KIF4A: variants seen among roughly 807,000 people sequenced by gnomAD.
KIF4A encodes the protein kinesin family member 4A, also known as chromosome-associated kinesin KIF4A.
In KIF4A, 7 loss-of-function variants were observed where a neutral mutation model predicts 105.9. The observed-to-expected ratio is 0.07, with a 90% confidence interval of 0.04 to 0.12. KIF4A has a LOEUF of 0.12. KIF4A is among the 10% of genes least tolerant of loss of function. The pLI is 1.00. For missense variants in KIF4A, 558 were observed against 929.2 expected, an observed-to-expected ratio of 0.60 and a Z score of 5.19; for synonymous variants, 281 against 331.3, an observed-to-expected ratio of 0.85 and a Z score of 1.65.
chrX:70,383,088 G>A (rs1315389411), intron 18 of KIF4A, among the ~76,000 whole-genome samples: 1 of 109,226 alleles, frequency 9.2e-6, no homozygotes, highest in Non-Finnish European at 1.9e-5. Flanking sequence ...TGGGGAGGCT[G>A]AGGTAGAAGA....
intron 16 of KIF4A, among the ~76,000 whole-genome samples, chrX:70,374,951 T>C (rs776897463): frequency 8.9e-6 from 1 of 112,407 alleles, no homozygotes; most frequent in East Asian, 2.8e-4. Flanking sequence ...AAGAACCATT[T>C]TGATGCAAAA....
rs139543119 is a variant in KIF4A, at chrX:70,308,502, C to G, written c.778+6104C>G. ...ATCATTCAAGATTTTTTCACGTACA[C>G]ATATATTTTTTATTGGTGTTGCTGT... On this transcript the variant is annotated intron_variant, in intron 7 of 30. Transcript: ENST00000374403. 2.7e-5 allele frequency among the ~76,000 whole-genome samples: 3 copies of G among 112,482 alleles called. No individual in the cohort carries two copies. In the East Asian group the frequency reaches 8.4e-4, roughly 31 times the overall value.
chrX:70,349,196 G>GGGT (rs2147702414), intron 13 of KIF4A, among the ~76,000 whole-genome samples: 1 of 101,910 alleles, frequency 9.8e-6, no homozygotes, highest in Non-Finnish European at 2.0e-5. Context: ...TTCCCAGAGG[G>GGGT]GGCGGCCGGG....
Position 70,402,702 on chromosome X carries a change from A to C in KIF4A, c.2619+7A>C. ...GAAATATTTGATTGGAGAGGTAAAC[A>C]TCACTCTAACCAGCAGTTAGGAGGC... On this transcript the variant is annotated splice_region_variant and intron_variant, in intron 23 of 30. Coordinates refer to ENST00000374403, the MANE Select transcript of KIF4A (RefSeq NM_012310.5). 8.3e-7 allele frequency: 1 copy of C among 1,206,561 alleles called. No homozygotes were observed. The highest frequency in any genetic ancestry group is 1.1e-6 in the Non-Finnish European group (1 of 892,566).
chrX:70,356,633 G>C (rs1385017175), intron 15 of KIF4A, among the ~76,000 whole-genome samples: 2 of 112,126 alleles, frequency 1.8e-5, no homozygotes, highest in Non-Finnish European at 3.8e-5. Context: ...ATTTTTTAAA[G>C]TCAAATACTA....
chrX:70,391,085 C>T (rs2086235967), intron 20 of KIF4A, among the ~76,000 whole-genome samples: 1 of 111,835 alleles, frequency 8.9e-6, no homozygotes, highest in African/African-American at 3.2e-5. Flanking sequence ...AACACATACA[C>T]GTTTCTATGT....
chrX:70,385,775 T>C (rs1019769220), intron 18 of KIF4A, among the ~76,000 whole-genome samples: 1 of 112,551 alleles, frequency 8.9e-6, no homozygotes, highest in Non-Finnish European at 1.9e-5. Context: ...TATTGTGTGC[T>C]CAGCTGAAGC....
At chrX:70,322,625 ATG>A (rs765678842) in intron 7 of KIF4A, among the ~76,000 whole-genome samples, 1 of 108,711 alleles carries the variant, frequency 9.2e-6, no homozygotes, top group Non-Finnish European at 1.9e-5. Context: ...GTTGCTTTAA[ATG>A]GGTCCCTCCA....
intron 15 of KIF4A, among the ~76,000 whole-genome samples, chrX:70,372,132 C>T (rs1354530001): frequency 3.9e-5 from 4 of 101,682 alleles, no homozygotes; most frequent in East Asian, 6.5e-4. Context: ...GGATGGCGGC[C>T]GGCAGAGACG....
At chrX:70,399,168 T>G (rs954252082) in intron 22 of KIF4A, among the ~76,000 whole-genome samples, 2 of 112,278 alleles carry the variant, frequency 1.8e-5, no homozygotes, top group Non-Finnish European at 3.8e-5. Context: ...ATGCTGAATA[T>G]GATGGTCGTC....
chrX:70,375,655 TTTGTAAAGTAGTAATAAGA>T (rs1375447365), intron 17 of KIF4A, among the ~76,000 whole-genome samples: 2 of 111,810 alleles, frequency 1.8e-5, no homozygotes, highest in Non-Finnish European at 3.8e-5. Flanking sequence ...GCAGCATAAT[TTTGTAAAGTAGTAATAAGA>T]TGACAGACAC....
chrX:70,372,489 G>A (rs2086143207), intron 15 of KIF4A, among the ~76,000 whole-genome samples: 1 of 114,025 alleles, frequency 8.8e-6, no homozygotes, highest in Non-Finnish European at 1.9e-5. Flanking sequence ...AAAAAAATAC[G>A]AAAACCAGTC....
chrX:70,368,560 A>G (rs1295276840), intron 15 of KIF4A, among the ~76,000 whole-genome samples: 1 of 112,063 alleles, frequency 8.9e-6, no homozygotes, highest in Non-Finnish European at 1.9e-5. Context: ...GCTGCAGATC[A>G]GGGGATATTG....
At chrX:70,418,891 C>T (rs758336231) in intron 29 of KIF4A, among the ~76,000 whole-genome samples, 9 of 110,521 alleles carry the variant, frequency 8.1e-5, no homozygotes, top group African/African-American at 2.3e-4. Context: ...AAGACCATCC[C>T]GGCTAACACG....
chrX:70,406,498 G>A (rs1204104748), intron 27 of KIF4A, 144 bp downstream of exon 27: 22 of 487,977 alleles, frequency 4.5e-5, no homozygotes, highest in Non-Finnish European at 7.0e-5. Context: ...TAAAACTACA[G>A]TTCAATCCTA....
At chrX:70,388,790 A>T (rs955161593) in intron 20 of KIF4A, among the ~76,000 whole-genome samples, 15 of 112,460 alleles carry the variant, frequency 1.3e-4, no homozygotes, top group African/African-American at 4.8e-4. Flanking sequence ...TATTCTAGAT[A>T]TATTTAACAG....
chrX:70,371,609 C>T (rs752343690), intron 15 of KIF4A, among the ~76,000 whole-genome samples: 1,184 of 105,424 alleles, frequency 0.011, 13 homozygotes, highest in Non-Finnish European at 0.018. Context: ...GGGGGGCTGA[C>T]CCCCCCACCT....
intron 15 of KIF4A, among the ~76,000 whole-genome samples, chrX:70,368,104 G>A (rs1350972697): frequency 8.9e-6 from 1 of 111,992 alleles, no homozygotes; most frequent in Non-Finnish European, 1.9e-5. Flanking sequence ...AGCTCCATCA[G>A]GTCCTTGAAG....
chrX:70,343,019 T>A (rs1341307160), intron 11 of KIF4A, among the ~76,000 whole-genome samples: 2 of 112,357 alleles, frequency 1.8e-5, no homozygotes, highest in Non-Finnish European at 3.8e-5. Context: ...GTATCCAGCA[T>A]GTTACAGATA....
Sources: allele counts gnomAD v4.1 joint callset (sites outside exome capture counted in the v4.1 genomes callset), GRCh38; gene constraint gnomAD v4.1.1; transcripts MANE v1.5; gene names NCBI Gene and HGNC (gene_info 2026-07-23, HGNC 2026-07-21).